Variants in TANC2 observed in about 807,000 individuals in gnomAD.
TANC2 encodes the protein tetratricopeptide repeat, ankyrin repeat and coiled-coil containing 2, also known as protein TANC2.
Under a neutral mutation model 210.5 loss-of-function variants are expected in TANC2, and 26 were observed. The observed-to-expected ratio is 0.12, with a 90% CI of 0.09 to 0.17. The LOEUF is 0.17. Among genes scored for constraint, TANC2 ranks in the 10% least tolerant of loss-of-function variants. TANC2 has a pLI of 1.00. For synonymous variants in TANC2, 931 were observed against 967.1 expected, an observed-to-expected ratio of 0.96 and a Z score of 0.69; for missense variants, 2,129 against 2,608.9, an observed-to-expected ratio of 0.82 and a Z score of 4.01.
At chr17:63,194,259 C>T (rs779046117) in intron 6 of TANC2, 120 bp downstream of exon 6, 2 of 1,053,048 alleles carry the variant, frequency 1.9e-6, no homozygotes, top group Non-Finnish European at 2.6e-6. Context: ...TCCATAATCA[C>T]TATTATTTCT....
chr17:62,986,841 C>G (rs987079009), intron 1 of TANC2, among the ~76,000 whole-genome samples: 1 of 152,012 alleles, frequency 6.6e-6, no homozygotes, highest in Non-Finnish European at 1.5e-5. Context: ...ACAGAGTGGC[C>G]TGCAGAGCTG....
intron 1 of TANC2, chr17:63,004,934 C>T (rs2033547947): frequency 4.0e-6 from 1 of 252,026 alleles, no homozygotes; most frequent in Non-Finnish European, 7.7e-6. Flanking sequence ...CGTTTAGTAT[C>T]TATCCCCTTC....
chr17:63,328,947 C>T (rs1429117919), intron 11 of TANC2, among the ~76,000 whole-genome samples: 1 of 152,020 alleles, frequency 6.6e-6, no homozygotes, highest in Non-Finnish European at 1.5e-5. Flanking sequence ...TAAAAATCTA[C>T]CACTTGTCAA....
exon 21 of TANC2, chr17:63,406,202 A>G: frequency 6.2e-7 from 1 of 1,613,968 alleles, no homozygotes; most frequent in South Asian, 1.1e-5. Flanking sequence ...CATGGCAGAC[A>G]AGCAGGGCCG....
At chr17:63,155,230 AAAC>A (rs2039796390) in intron 5 of TANC2, 2 of 152,054 alleles carry the variant, frequency 1.3e-5, no homozygotes, top group Admixed American at 6.6e-5. Context: ...AACAAAAACA[AAAC>A]AACCTATCAT....
intron 1 of TANC2, among the ~76,000 whole-genome samples, chr17:62,989,075 A>G (rs767946462): frequency 2.0e-5 from 3 of 152,182 alleles, no homozygotes; most frequent in Non-Finnish European, 4.4e-5. Context: ...TTTACACTTT[A>G]TCTTTCTCTT....
At chr17:63,264,026 G>C (rs2043448033) in intron 8 of TANC2, among the ~76,000 whole-genome samples, 1 of 152,130 alleles carries the variant, frequency 6.6e-6, no homozygotes, top group Admixed American at 6.5e-5. Flanking sequence ...GATTGGTCTA[G>C]GCAGTTTGGT....
chr17:63,052,450 C>T (rs918906456), intron 2 of TANC2, among the ~76,000 whole-genome samples: 4 of 152,010 alleles, frequency 2.6e-5, no homozygotes, highest in African/African-American at 7.3e-5. Flanking sequence ...AAATTGATAG[C>T]GGCCTTATAA....
chr17:63,030,516 A>G (rs2034725339), intron 2 of TANC2, among the ~76,000 whole-genome samples: 1 of 152,124 alleles, frequency 6.6e-6, no homozygotes, highest in East Asian at 1.9e-4. Flanking sequence ...ATAGACTACT[A>G]GAACAACTAA....
At chr17:62,969,035 G>T (rs953516371) in intron 1 of TANC2, among the ~76,000 whole-genome samples, 2 of 151,842 alleles carry the variant, frequency 1.3e-5, no homozygotes, top group Non-Finnish European at 2.9e-5. Context: ...GGAAAAGTCG[G>T]CCCTCAATAT....
At chr17:63,217,983 TA>T (rs1046630743) in intron 7 of TANC2, among the ~76,000 whole-genome samples, 7 of 150,796 alleles carry the variant, frequency 4.6e-5, no homozygotes, top group African/African-American at 1.7e-4. Context: ...ATCTGATAAA[TA>T]CAAAAAAAAA....
chr17:62,977,511 A>G lies in TANC2; in HGVS notation c.-24+10762A>G, dbSNP rs2031197861. 2.6e-5 allele frequency among the ~76,000 whole-genome samples: 4 copies of G among 152,124 alleles called. No homozygotes were observed. In the South Asian group the frequency reaches 8.3e-4, roughly 31 times the overall value. On this transcript the variant is annotated intron_variant, in intron 1 of 27. Transcript: ENST00000689528. ...ATGAGTCTTCTCCTTGCTTTAGATA[A>G]TTTAATTGTTTTTGTCTTTGGATAT... is the stretch of plus-strand genomic sequence containing the variant.
intron 10 of TANC2, among the ~76,000 whole-genome samples, chr17:63,317,575 G>T (rs1370221322): frequency 6.6e-6 from 1 of 152,156 alleles, no homozygotes; most frequent in African/African-American, 2.4e-5. Context: ...TCTAATACAA[G>T]ACTGTATGTT....
intron 1 of TANC2, among the ~76,000 whole-genome samples, chr17:62,969,481 A>G (rs1276592142): frequency 6.6e-6 from 1 of 152,214 alleles, no homozygotes; most frequent in Non-Finnish European, 1.5e-5. Context: ...AACCTGGACA[A>G]CTCACATAGA....
intron 14 of TANC2, among the ~76,000 whole-genome samples, chr17:63,356,967 C>T (rs867012390): frequency 1.3e-4 from 20 of 152,054 alleles, no homozygotes; most frequent in South Asian, 2.1e-4. Context: ...AATCGGATAG[C>T]GACAGCCATC....
chr17:63,360,441 G>T lies in TANC2; in HGVS notation c.2582+5051G>T, dbSNP rs114525793. ...TGGAAGAGTTAAAGCAGAGAAAAGA[G>T]AATGTACCAGACATCTTTTATTCAC... On this transcript the variant is annotated intron_variant, in intron 14 of 27. Transcript: ENST00000689528. 7.3e-3 allele frequency among the ~76,000 whole-genome samples: 1,105 copies of T among 152,198 alleles called. 13 individuals are homozygous for T. Among genetic ancestry groups the T allele is most frequent in the African/African-American group, 0.024 (1,003 of 41,516 alleles).
intron 2 of TANC2, among the ~76,000 whole-genome samples, chr17:63,043,314 C>T (rs537132662): frequency 5.3e-5 from 8 of 152,024 alleles, no homozygotes; most frequent in Non-Finnish European, 1.0e-4. Context: ...AATTGATGTA[C>T]AGATAATAAT....
At chr17:63,008,059 T>A (rs139316778) in intron 1 of TANC2, among the ~76,000 whole-genome samples, 1 of 151,844 alleles carries the variant, frequency 6.6e-6, no homozygotes, top group Non-Finnish European at 1.5e-5. Context: ...TGAAAGTATC[T>A]TTCAGTCTGT....
chr17:63,130,683 A>G (rs1252381456), intron 4 of TANC2, among the ~76,000 whole-genome samples: 2 of 152,176 alleles, frequency 1.3e-5, no homozygotes, highest in Non-Finnish European at 2.9e-5. Flanking sequence ...TTGAGTCTGT[A>G]TAATAAAGAG....
Sources: gnomAD v4.1 joint callset for allele counts (sites outside exome capture counted in the v4.1 genomes callset) on GRCh38, gnomAD v4.1.1 for gene constraint, MANE v1.5 for transcripts, NCBI Gene and HGNC (gene_info 2026-07-23, HGNC 2026-07-21) for gene names.